ASPHD1: variants seen among roughly 807,000 people sequenced by gnomAD.
The protein encoded by ASPHD1 is aspartate beta-hydroxylase domain containing 1.
Under a neutral mutation model 28.3 loss-of-function variants are expected in ASPHD1, and 20 were observed. The observed-to-expected ratio is 0.71, with a 90% confidence interval of 0.50 to 1.03. The LOEUF (loss-of-function observed/expected upper bound fraction) is 1.03. Among genes scored for constraint, ASPHD1 ranks in the 50% least tolerant of loss-of-function variants. The probability of loss-of-function intolerance (pLI) is 0.00; values close to 1 mark genes in which losing one functional copy is unlikely to be tolerated. For synonymous variants in ASPHD1, 240 were observed against 221.2 expected (o/e 1.08, Z -0.75); for missense variants, 479 against 524.1 (o/e 0.91, Z 0.84).
At chr16:29,903,470 A>T (rs1228906320) in intron 1 of ASPHD1, among the ~76,000 whole-genome samples, 1 of 151,962 alleles carries the variant, frequency 6.6e-6, no homozygotes, top group Non-Finnish European at 1.5e-5. Context: ...GAGCCACCGC[A>T]CCTGGCACTT....
chr16:29,916,266 T>A (rs2068807759), intron 3 of ASPHD1, among the ~76,000 whole-genome samples: 1 of 152,170 alleles, frequency 6.6e-6, no homozygotes, highest in South Asian at 2.1e-4. Context: ...TTCTTTTAAT[T>A]TTTTTAGAGA....
intron 3 of ASPHD1, among the ~76,000 whole-genome samples, chr16:29,916,895 G>A (rs1305593308): frequency 6.6e-6 from 1 of 152,136 alleles, no homozygotes; most frequent in East Asian, 1.9e-4. Context: ...CACCACTATG[G>A]CGGGGAGTCT....
At chr16:29,900,404 G>C (rs1446218167), upstream of ASPHD1, 2 of 158,596 alleles carry the variant, frequency 1.3e-5, no homozygotes, top group Non-Finnish European at 2.8e-5. Context: ...CTGGCACCGT[G>C]GCCCCTGCGC....
chr16:29,911,973 G>A (rs2068721441), intron 3 of ASPHD1: 1 of 1,611,576 alleles, frequency 6.2e-7, no homozygotes, highest in Non-Finnish European at 8.5e-7. Context: ...GGAGGTGCTG[G>A]CCAGGAGCTG....
At chr16:29,903,459 T>G (rs2068572872) in intron 1 of ASPHD1, among the ~76,000 whole-genome samples, 1 of 151,778 alleles carries the variant, frequency 6.6e-6, no homozygotes, top group Non-Finnish European at 1.5e-5. Context: ...ATTACAGGCG[T>G]GAGCCACCGC....
chr16:29,912,489 G>A (rs1272558093), intron 3 of ASPHD1: 1 of 206,544 alleles, frequency 4.8e-6, no homozygotes, highest in African/African-American at 2.4e-5. Context: ...TGCCCAGGCT[G>A]GAGTGCAATG....
In ASPHD1 at chr16:29,900,822, A is replaced by T. The variant is rs1252048473; in HGVS notation, c.-150A>T. The T allele has an allele frequency of 1.4e-6, 1 of 691,238 alleles. No individual in the cohort carries two copies. The highest frequency in any genetic ancestry group is 2.4e-6 in the Non-Finnish European group (1 of 415,556). 42.8% of individuals were successfully genotyped at this position (691,238 alleles called of 1,614,324 possible). A position where few individuals can be genotyped will look rare whatever the true frequency, so the allele number is the denominator to read the frequency against. On this transcript the variant is annotated 5_prime_UTR_variant, in exon 1 of 3. Coordinates refer to ENST00000308748, the MANE Select transcript of ASPHD1 (RefSeq NM_181718.4). ...AAGCGGGGGTGGGGAGGAAAGGGGG[A>T]GATTGAGGTGGGAGAGAGAAGCAGA...
chr16:29,901,707 G>A lies in ASPHD1; in HGVS notation c.736G>A (p.Ala246Thr). Residue 246 changes from alanine to threonine, a missense_variant, in exon 1 of 3, where the codon GCC (alanine) becomes ACC (threonine). Coordinates refer to ENST00000308748, the MANE Select transcript of ASPHD1 (RefSeq NM_181718.4). This position sits in a 1 kb window ranked among gnomAD's most constrained non-coding sequence, Gnocchi z 5.1. ...PPPRGWSPPL[A>T]PGCYQLLLYQ... ...GCCTCGGGGCTGGTCCCCACCTCTGGCCCCCGGGTGCTACCAGCTCCTGCT... is the reference window on the plus strand; with the variant it reads ...GCCTCGGGGCTGGTCCCCACCTCTGACCCCCGGGTGCTACCAGCTCCTGCT... 6.4e-7 allele frequency: 1 copy of A among 1,573,380 alleles called. No individual in the cohort carries two copies. The highest frequency in any genetic ancestry group is 1.2e-5 in the South Asian group (1 of 85,516).
chr16:29,913,775 T>C (rs1390138161), intron 3 of ASPHD1: 1 of 152,268 alleles, frequency 6.6e-6, no homozygotes, highest in Admixed American at 6.5e-5. Context: ...CCTCGCAGCA[T>C]GGCAACTGGC....
chr16:29,901,977 C>A lies in ASPHD1; in HGVS notation c.949+57C>A, dbSNP rs2068556213. 7 of 1,340,202 alleles carry A rather than the reference C, an allele frequency of 5.2e-6. No homozygotes were observed. The East Asian group carries it at 1.4e-4, about 27-fold the overall frequency. 83.0% of individuals were successfully genotyped at this position (1,340,202 alleles called of 1,614,324 possible). ...TGCCTCGATGATTTCCCCCCCAGAC[C>A]CTTCTCTCCGCCAGAGCCGTCTGCT... On this transcript the variant is annotated intron_variant, in intron 1 of 2. Coordinates refer to ENST00000308748, the MANE Select transcript of ASPHD1 (RefSeq NM_181718.4). This position sits in a 1 kb window ranked among gnomAD's most constrained non-coding sequence, Gnocchi z 5.1.
chr16:29,905,068 A>G, intron 2 of ASPHD1, 103 bp downstream of exon 2: 1 of 783,840 alleles, frequency 1.3e-6, no homozygotes, highest in Non-Finnish European at 2.1e-6. Flanking sequence ...CTGTCCTACC[A>G]CCACCATCTT....
downstream of ASPHD1, chr16:29,906,561 G>A (rs1037982126): frequency 2.3e-5 from 12 of 514,734 alleles, no homozygotes; most frequent in Non-Finnish European, 4.2e-5. Context: ...TGGCATGGAC[G>A]ATGCACTAAA....
Position 29,901,208 on chromosome 16 carries a change from C to T in ASPHD1, c.237C>T (p.Ala79=). Reference sequence around the variant, plus strand: ...GGCCACTACCCCTGGCCTCCTCGGCCCTCACCTTGCTCTTCGGGGCCCTCA... The same window carrying T: ...GGCCACTACCCCTGGCCTCCTCGGCTCTCACCTTGCTCTTCGGGGCCCTCA... The part of the protein sequence containing the change: ...LPWPLPLASS[A]LTLLFGALTS... The change falls in exon 1 of 3, where the codon GCC becomes GCT. Residue 79 remains alanine (A), a synonymous_variant. Transcript: ENST00000308748. The surrounding 1 kb of genome is among the most constrained non-coding windows in gnomAD (Gnocchi z 5.1). 1 of 1,613,880 alleles carries T rather than the reference C, an allele frequency of 6.2e-7. No individual in the cohort carries two copies. Among genetic ancestry groups the T allele is most frequent in the Non-Finnish European group, 8.5e-7 (1 of 1,179,946 alleles).
chr16:29,905,762 T>G, intron 2 of ASPHD1, 26 bp from the exon 3 acceptor site: 1 of 1,572,708 alleles, frequency 6.4e-7, no homozygotes. Flanking sequence ...TCAGTGGCTC[T>G]GCTGTTCCTG....
chr16:29,905,709 T>C lies in ASPHD1; in HGVS notation c.1064-79T>C, dbSNP rs1597006895. On this transcript the variant is annotated intron_variant, in intron 2 of 2. Transcript: ENST00000308748. Reference sequence around the variant, plus strand: ...GCCTGCCACTTATTTACTGTTTGCTTTTATGGTGTTTGGTGAGTGCTCTGG... The same window carrying C: ...GCCTGCCACTTATTTACTGTTTGCTCTTATGGTGTTTGGTGAGTGCTCTGG... 25 of 882,452 alleles carry C rather than the reference T, an allele frequency of 2.8e-5. No homozygotes were observed. In the East Asian group the frequency reaches 6.4e-4, roughly 23 times the overall value. The allele number at this position is 882,452 out of a possible 1,614,324, so 54.7% of individuals were successfully genotyped here. A position where few individuals can be genotyped will look rare whatever the true frequency, so the allele number is the denominator to read the frequency against.
At chr16:29,907,318 TC>T (rs1221870787), downstream of ASPHD1, among the ~76,000 whole-genome samples, 9 of 152,214 alleles carry the variant, frequency 5.9e-5, no homozygotes, top group African/African-American at 2.2e-4. Flanking sequence ...TTGTTTTCTC[TC>T]CTTCATCTCC....
At chr16:29,919,517 T>C (rs1478064695) in intron 3 of ASPHD1, 2 of 152,212 alleles carry the variant, frequency 1.3e-5, no homozygotes, top group Non-Finnish European at 2.9e-5. Context: ...ATGCTTTCCA[T>C]TGTTAACTTG....
At position 29,901,959 on chromosome 16, in the gene ASPHD1, A is replaced by G. The variant is rs544372955; in HGVS notation, c.949+39A>G. ...GCCTACTGACAACCTCCTTGCCTCG[A>G]TGATTTCCCCCCCAGACCCTTCTCT... is the stretch of plus-strand genomic sequence containing the variant. On this transcript the variant is annotated intron_variant, in intron 1 of 2. Coordinates refer to ENST00000308748, the MANE Select transcript of ASPHD1 (RefSeq NM_181718.4). The surrounding 1 kb of genome is among the most constrained non-coding windows in gnomAD (Gnocchi z 5.1). The G allele has an allele frequency of 1.4e-6, 2 of 1,415,700 alleles. No individual in the cohort carries two copies. Among genetic ancestry groups the G allele is most frequent in the South Asian group, 1.5e-5 (1 of 65,400 alleles). 87.7% of individuals were successfully genotyped at this position (1,415,700 alleles called of 1,614,324 possible).
At chr16:29,911,721 G>T in intron 3 of ASPHD1, 1 of 1,348,088 alleles carries the variant, frequency 7.4e-7, no homozygotes, top group Non-Finnish European at 1.0e-6. Flanking sequence ...TGTTCTTGTA[G>T]GCCCCCCGTG....
Sources: allele counts gnomAD v4.1 joint callset (sites outside exome capture counted in the v4.1 genomes callset), GRCh38; gene constraint gnomAD v4.1.1; non-coding constraint Gnocchi (gnomAD v3.1); transcripts MANE v1.5; gene names NCBI Gene and HGNC (gene_info 2026-07-23, HGNC 2026-07-21).